ZNF506: variants seen among roughly 807,000 people sequenced by gnomAD.
ZNF506 encodes the protein zinc finger protein 506.
ZNF506 carries 10 observed loss-of-function variants against 11.6 expected under a neutral mutation model. The ratio of observed to expected loss-of-function variants is 0.86; its 90% CI spans 0.53 to 1.46. The LOEUF is 1.46. Among genes scored for constraint, ZNF506 ranks in the 40% most tolerant of loss-of-function variants. The probability of loss-of-function intolerance (pLI) is 0.00; values close to 1 mark genes in which losing one functional copy is unlikely to be tolerated. For missense variants in ZNF506, 425 were observed against 521.2 expected, an observed-to-expected ratio of 0.82 and a Z score of 1.80; for synonymous variants, 156 against 173.3, an observed-to-expected ratio of 0.90 and a Z score of 0.78.
chr19:19,800,391 A>AATATATATATATATATTTTTATATATAT (rs1460340025), intron 3 of ZNF506, among the ~76,000 whole-genome samples: 3 of 139,238 alleles, frequency 2.2e-5, no homozygotes, highest in South Asian at 2.2e-4. Flanking sequence ...AACTAAACAG[A>AATATATATATATATATTTTTATATATAT]ATATATATAT....
At chr19:19,797,803 G>C (rs2062755879) in intron 3 of ZNF506, 1 of 152,100 alleles carries the variant, frequency 6.6e-6, no homozygotes, top group Non-Finnish European at 1.5e-5. Context: ...CCAATAAATT[G>C]ATCAAAAACA....
At chr19:19,810,079 GC>G (rs1165431084) in intron 1 of ZNF506, among the ~76,000 whole-genome samples, 2 of 152,146 alleles carry the variant, frequency 1.3e-5, no homozygotes, top group Non-Finnish European at 2.9e-5. Context: ...GGTAATTTTG[GC>G]CCCACTTTAT....
rs1360722653 is a variant in ZNF506 at position 19,795,116 on chromosome 19, G to A, written c.771C>T (p.Tyr257=). The A allele has an allele frequency of 6.2e-7, 1 of 1,613,622 alleles. No individual in the cohort carries two copies. ...HKIIHTGEKP[Y]RCRECGKAFN... ...AAGCTTTGCCACATTCTCTACATCT[G>A]TAGGGTTTCTCTCCAGTATGAATTA... The change falls in exon 4 of 4, where the codon TAC becomes TAT. Residue 257 remains tyrosine (Y), a synonymous_variant. Transcript: ENST00000540806.
chr19:19,795,526 C>T lies in ZNF506; in HGVS notation c.361G>A (p.Asp121Asn). ...LQLKKGCESV[D>N]ECPVHKRGYN... ...CCTCTTTTGTGCACTGGACACTCAT[C>T]TACACTTTCACAGCCTTTTTTTAAC... is the stretch of plus-strand genomic sequence containing the variant. The change falls in exon 4 of 4, where the codon GAT becomes AAT. Residue 121 changes from aspartate to asparagine, a missense_variant. Transcript: ENST00000540806. The T allele has an allele frequency of 6.2e-7, 1 of 1,600,642 alleles. No individual in the cohort carries two copies. Among genetic ancestry groups the T allele is most frequent in the East Asian group, 2.2e-5 (1 of 44,766 alleles).
At chr19:19,798,278 A>C (rs1468268733) in intron 3 of ZNF506, 2 of 152,198 alleles carry the variant, frequency 1.3e-5, no homozygotes, top group South Asian at 2.1e-4. Context: ...TATGCAACTG[A>C]AGTTAATTTT....
chr19:19,815,050 G>C (rs975111898), intron 1 of ZNF506, among the ~76,000 whole-genome samples: 2 of 152,124 alleles, frequency 1.3e-5, no homozygotes, highest in African/African-American at 2.4e-5. Flanking sequence ...GAGGTCAGGA[G>C]ATCGAGACCA....
rs1261439847 is a variant in ZNF506, at chr19:19,806,964, G to A, written c.108C>T (p.Asn36=). Residue 36 remains asparagine, a synonymous_variant, in exon 2 of 4, where the codon AAC becomes AAT. Transcript: ENST00000540806. The stretch of plus-strand genomic sequence containing the variant: ...CACCAAGGAAGATCAGGTTTCTGTA[G>A]TTCTCTAACATCACATCCCTATATA... ...RNLYRDVMLE[N]YRNLIFLGIV... 3.7e-6 allele frequency: 6 copies of A among 1,613,526 alleles called. No individual in the cohort carries two copies. Among genetic ancestry groups the A allele is most frequent in the East Asian group, 4.5e-5 (2 of 44,878 alleles).
chr19:19,794,630 A>G lies in ZNF506; in HGVS notation c.1257T>C (p.His419=), dbSNP rs1391274813. ...TCACTATGCAGGGTTTCTGTCTAAT[A>G]TGAATTTTCTTATGTTTATTAAGGG... The part of the protein sequence containing the change: ...SSALNKHKKI[H]IRQKPCIVKN... Residue 419 remains histidine, a synonymous_variant, in exon 4 of 4, where the codon CAT becomes CAC. Coordinates refer to ENST00000540806, the MANE Select transcript of ZNF506 (RefSeq NM_001099269.3). 1 of 1,613,126 alleles carries G rather than the reference A, an allele frequency of 6.2e-7. No individual in the cohort carries two copies. The highest frequency in any genetic ancestry group is 2.2e-5 in the East Asian group (1 of 44,856).
chr19:19,794,151 AAT>A lies in ZNF506; in HGVS notation c.*399_*400del, dbSNP rs2062717520. On this transcript the variant is annotated 3_prime_UTR_variant, in exon 4 of 4. Transcript: ENST00000540806. ...ATGATGAAACCCCATCTCTACTAAA[AAT>A]ACAAAAATTAGCTGGGCATGGTGGT... The A allele has an allele frequency of 6.0e-6, 1 of 165,552 alleles. No homozygotes were observed. Among genetic ancestry groups the A allele is most frequent in the African/African-American group, 2.4e-5 (1 of 41,510 alleles). The allele number at this position is 165,552 out of a possible 1,614,324, so 10.3% of individuals were successfully genotyped here.
In ZNF506 at chr19:19,793,321, ATATT is replaced by A. The variant is rs1473708880; in HGVS notation, c.*1227_*1230del. On this transcript the variant is annotated 3_prime_UTR_variant, in exon 4 of 4. Coordinates refer to ENST00000540806, the MANE Select transcript of ZNF506 (RefSeq NM_001099269.3). ...TTACGTAAAATCAATTTTGAATTAAATATTTTTTTCATATTTACATCTGCAAAAA... is the reference window on the plus strand; with the variant it reads ...TTACGTAAAATCAATTTTGAATTAAATTTTTCATATTTACATCTGCAAAAA... 6.6e-6 allele frequency among the ~76,000 whole-genome samples: 1 copy of A among 152,188 alleles called. No individual in the cohort carries two copies. The highest frequency in any genetic ancestry group is 1.5e-5 in the Non-Finnish European group (1 of 68,026).
intron 1 of ZNF506, among the ~76,000 whole-genome samples, chr19:19,808,831 G>C (rs924719401): frequency 8.3e-6 from 1 of 119,940 alleles, no homozygotes; most frequent in Non-Finnish European, 1.6e-5. Flanking sequence ...GTGACACAGC[G>C]AGACTCTGTC....
intron 2 of ZNF506, 74 bp from the exon 3 acceptor site, chr19:19,806,200 A>C (rs1317493370): frequency 1.9e-6 from 2 of 1,077,692 alleles, no homozygotes; most frequent in Non-Finnish European, 2.6e-6. Flanking sequence ...TGCTCAGCAG[A>C]GAGGATGTGA....
intron 3 of ZNF506, among the ~76,000 whole-genome samples, chr19:19,801,727 G>A (rs112261941): frequency 0.019 from 2,894 of 151,912 alleles, 39 homozygotes; most frequent in Middle Eastern, 0.048. Context: ...GGAGGCGGAG[G>A]TTGCAGTGAG....
chr19:19,802,995 C>A (rs576136101), intron 3 of ZNF506, among the ~76,000 whole-genome samples: 12 of 152,290 alleles, frequency 7.9e-5, no homozygotes, highest in Admixed American at 2.0e-4. Context: ...TGTAGCAAGA[C>A]CCCATCTCCA....
At chr19:19,795,828 C>T (rs1939335754) in intron 3 of ZNF506, 168 bp from the exon 4 acceptor site, 1 of 676,142 alleles carries the variant, frequency 1.5e-6, no homozygotes, top group Non-Finnish European at 2.3e-6. Context: ...AACATACTGA[C>T]CAAAATACAT....
At position 19,810,633 on chromosome 19, in the gene ZNF506, T is replaced by C. The variant is rs553480997; in HGVS notation, c.4-3565A>G. Among the ~76,000 whole-genome samples the C allele has an allele frequency of 2.6e-5, 4 of 152,344 alleles. No individual in the cohort carries two copies. In the East Asian group the frequency reaches 7.7e-4, roughly 29 times the overall value. The stretch of plus-strand genomic sequence containing the variant: ...ATAGAAGGAAGAGTTTAATGTATTA[T>C]AGAGATAATTTTATTCTATTCATAT... On this transcript the variant is annotated intron_variant, in intron 1 of 3. Transcript: ENST00000540806.
intron 1 of ZNF506, among the ~76,000 whole-genome samples, chr19:19,821,070 T>C (rs1017866935): frequency 2.0e-5 from 3 of 152,136 alleles, no homozygotes; most frequent in African/African-American, 7.2e-5. Context: ...CAGCTAACTT[T>C]TGTATTTTTA....
chr19:19,806,449 G>T (rs1224693569), intron 2 of ZNF506: 4 of 191,688 alleles, frequency 2.1e-5, no homozygotes, highest in African/African-American at 9.6e-5. Context: ...TACAGACAGG[G>T]TTTCACCATG....
rs538099102 is a variant in ZNF506, at chr19:19,801,197, C to A, written c.226+4834G>T. 1.3e-3 allele frequency among the ~76,000 whole-genome samples: 196 copies of A among 151,524 alleles called. 2 individuals are homozygous for A. Among genetic ancestry groups the A allele is most frequent in the South Asian group, 0.01 (50 of 4,770 alleles). Reference sequence around the variant, plus strand: ...AAAAAGAAAAGAAAACAAAACAAAACAAAAAAAACCTGGCCGGGTGCCGTG... The same window carrying A: ...AAAAAGAAAAGAAAACAAAACAAAAAAAAAAAAACCTGGCCGGGTGCCGTG... On this transcript the variant is annotated intron_variant, in intron 3 of 3. Coordinates refer to ENST00000540806, the MANE Select transcript of ZNF506 (RefSeq NM_001099269.3).
Sources: gnomAD v4.1 joint callset for allele counts (sites outside exome capture counted in the v4.1 genomes callset) on GRCh38, gnomAD v4.1.1 for gene constraint, MANE v1.5 for transcripts, NCBI Gene and HGNC (gene_info 2026-07-23, HGNC 2026-07-21) for gene names.